Variants in SLC38A9 observed in about 807,000 individuals in gnomAD.
The protein encoded by SLC38A9 is neutral amino acid transporter 9.
Under a neutral mutation model 62.3 loss-of-function variants are expected in SLC38A9, and 48 were observed. The ratio of observed to expected loss-of-function variants is 0.77; its 90% confidence interval spans 0.61 to 0.98. The LOEUF is 0.98. SLC38A9 is among the 50% of genes least tolerant of loss of function. The pLI is 0.00. For missense variants in SLC38A9, 541 were observed against 679.8 expected, an observed-to-expected ratio of 0.80 and a Z score of 2.27; for synonymous variants, 204 against 227.7, an observed-to-expected ratio of 0.90 and a Z score of 0.94.
chr5:55,678,869 CA>C (rs1752615727), intron 3 of SLC38A9, among the ~76,000 whole-genome samples: 1 of 151,366 alleles, frequency 6.6e-6, no homozygotes, highest in South Asian at 2.1e-4. Flanking sequence ...CTATATTGCC[CA>C]GGTTGGTCTT....
At chr5:55,670,332 G>T (rs1371520767) in intron 4 of SLC38A9, among the ~76,000 whole-genome samples, 1 of 150,094 alleles carries the variant, frequency 6.7e-6, no homozygotes, top group Non-Finnish European at 1.5e-5. Context: ...ATTAAAAAAT[G>T]ACTTTTCAAA....
intron 3 of SLC38A9, among the ~76,000 whole-genome samples, chr5:55,688,124 C>G (rs922442158): frequency 7.9e-5 from 12 of 152,194 alleles, no homozygotes; most frequent in African/African-American, 2.9e-4. Flanking sequence ...TGAGACTTCA[C>G]TGAAGTTGCT....
chr5:55,694,944 G>C (rs1755278266), intron 3 of SLC38A9, among the ~76,000 whole-genome samples: 1 of 152,108 alleles, frequency 6.6e-6, no homozygotes, highest in Non-Finnish European at 1.5e-5. Flanking sequence ...GTAGAGACCA[G>C]GTTTTGCCAT....
chr5:55,702,344 C>T (rs554301040), intron 2 of SLC38A9, among the ~76,000 whole-genome samples: 7 of 151,806 alleles, frequency 4.6e-5, no homozygotes, highest in Non-Finnish European at 8.8e-5. Flanking sequence ...TCACTGCAGC[C>T]GCGACCTCTT....
intron 3 of SLC38A9, among the ~76,000 whole-genome samples, chr5:55,674,825 T>C (rs988414769): frequency 1.3e-5 from 2 of 152,186 alleles, no homozygotes; most frequent in African/African-American, 2.4e-5. Flanking sequence ...TAACTACCAA[T>C]TATCCCAAAG....
At chr5:55,651,245 C>CTTTTTT (rs1561337614) in intron 10 of SLC38A9, among the ~76,000 whole-genome samples, 7 of 56,160 alleles carry the variant, frequency 1.2e-4, no homozygotes, top group South Asian at 7.7e-4. Context: ...TTCCTTTTGC[C>CTTTTTT]ATCTTTTTTT....
In SLC38A9 at chr5:55,626,678, TG is replaced by T. The variant is rs767859105; in HGVS notation, c.1521-20del. On this transcript the variant is annotated intron_variant, in intron 15 of 15. Transcript: ENST00000396865. ...TGAATATCTGCAAAATAAAAGCTTT[TG>T]GGGTTAATATTCATCTTGCACTTTG... The T allele has an allele frequency of 6.3e-7, 1 of 1,579,638 alleles. No individual in the cohort carries two copies. Among genetic ancestry groups the T allele is most frequent in the Non-Finnish European group, 8.6e-7 (1 of 1,165,674 alleles).
intron 2 of SLC38A9, among the ~76,000 whole-genome samples, chr5:55,701,124 CAT>C (rs1378218946): frequency 2.0e-5 from 3 of 152,178 alleles, no homozygotes; most frequent in Non-Finnish European, 2.9e-5. Flanking sequence ...CATGTGGCCA[CAT>C]GTGTCTACCA....
In SLC38A9 at chr5:55,656,761, G is replaced by A. The variant is rs1003981236; in HGVS notation, c.711C>T (p.His237=). The A allele has an allele frequency of 1.1e-5, 18 of 1,565,826 alleles. No individual in the cohort carries two copies. The highest frequency in any genetic ancestry group is 1.5e-5 in the Non-Finnish European group (17 of 1,143,990). Residue 237 remains histidine, a synonymous_variant, in exon 9 of 16, where the codon CAC becomes CAT. Transcript: ENST00000396865. The part of the protein sequence containing the change: ...TGKFIFNFIH[H]INDTDTILST... ...TCAGTATAGTGTCTGTGTCATTAAT[G>A]TGATGAATAAAATCTAAAAATAAAG...
chr5:55,688,289 A>G (rs1345065270), intron 3 of SLC38A9, among the ~76,000 whole-genome samples: 2 of 151,688 alleles, frequency 1.3e-5, no homozygotes, highest in African/African-American at 4.8e-5. Context: ...AACTTCCAAT[A>G]CTATGTTGAA....
At chr5:55,658,235 C>A (rs1423367483) in intron 8 of SLC38A9, among the ~76,000 whole-genome samples, 1 of 152,082 alleles carries the variant, frequency 6.6e-6, no homozygotes, top group Non-Finnish European at 1.5e-5. Context: ...ATGACTGCAA[C>A]CTCCACCTCC....
chr5:55,666,405 T>C (rs563106838), intron 7 of SLC38A9, among the ~76,000 whole-genome samples: 2 of 152,362 alleles, frequency 1.3e-5, no homozygotes, highest in South Asian at 2.1e-4. Context: ...TTTTCCTCTA[T>C]GATCCCATGC....
chr5:55,681,659 A>G (rs1366713756), intron 3 of SLC38A9, among the ~76,000 whole-genome samples: 2 of 152,188 alleles, frequency 1.3e-5, no homozygotes, highest in Non-Finnish European at 2.9e-5. Flanking sequence ...ATTAAGGTGA[A>G]CGAGCCTGAC....
intron 2 of SLC38A9, among the ~76,000 whole-genome samples, chr5:55,706,132 C>T (rs1757263872): frequency 6.6e-6 from 1 of 152,158 alleles, no homozygotes; most frequent in Non-Finnish European, 1.5e-5. Flanking sequence ...AGGTAAATTT[C>T]TTTTGTTGCA....
At chr5:55,658,310 C>T (rs1378495633) in intron 8 of SLC38A9, among the ~76,000 whole-genome samples, 1 of 152,168 alleles carries the variant, frequency 6.6e-6, no homozygotes, top group South Asian at 2.1e-4. Flanking sequence ...CCTGCCACCA[C>T]ACCCACTGAA....
At chr5:55,680,240 T>A (rs1012516051) in intron 3 of SLC38A9, among the ~76,000 whole-genome samples, 10 of 129,442 alleles carry the variant, frequency 7.7e-5, no homozygotes, top group African/African-American at 2.3e-4. Context: ...GAGAGAGAGA[T>A]ACATTTTATT....
rs965742527 is a variant in SLC38A9, at chr5:55,652,556, A to C, written c.925T>G (p.Ser309Ala). 2.5e-6 allele frequency: 4 copies of C among 1,603,518 alleles called. No homozygotes were observed. In the Admixed American group the frequency reaches 5.2e-5, roughly 21 times the overall value. ...AGGATATTAAATTTTGAAAAAAATGAAGGAGACTTGAAATTGAGCAGTGGG... is the reference window on the plus strand; with the variant it reads ...AGGATATTAAATTTTGAAAAAAATGCAGGAGACTTGAAATTGAGCAGTGGG... ...LLPLLNFKSPSFFSKFNILGT... is the reference protein window; with the variant it reads ...LLPLLNFKSPAFFSKFNILGT... The change falls in exon 10 of 16, where the codon TCA (serine) becomes GCA (alanine). Residue 309 changes from serine to alanine, a missense_variant. Coordinates refer to ENST00000396865, the MANE Select transcript of SLC38A9 (RefSeq NM_173514.4).
chr5:55,652,535 T>C lies in SLC38A9; in HGVS notation c.946A>G (p.Ile316Val). 2.5e-6 allele frequency: 4 copies of C among 1,595,748 alleles called. No individual in the cohort carries two copies. Among genetic ancestry groups the C allele is most frequent in the Non-Finnish European group, 3.4e-6 (4 of 1,169,696 alleles). Residue 316 changes from isoleucine (I) to valine (V), a missense_variant, in exon 10 of 16, where the codon ATC becomes GTC. Ile to Val is a conservative substitution (Grantham distance 29, BLOSUM62 3). Transcript: ENST00000396865. ...ATTCAGTGCTACTACTTACCTAGGA[T>C]ATTAAATTTTGAAAAAAATGAAGGA... The part of the protein sequence containing the change: ...KSPSFFSKFN[I>V]LGTVSVLYLI...
intron 12 of SLC38A9, 68 bp downstream of exon 12, chr5:55,645,721 C>A: frequency 9.2e-7 from 1 of 1,082,250 alleles, no homozygotes; most frequent in Non-Finnish European, 1.4e-6. Context: ...TATAAAGTGC[C>A]TCAAATACTG....
Sources: allele counts gnomAD v4.1 joint callset (sites outside exome capture counted in the v4.1 genomes callset), GRCh38; gene constraint gnomAD v4.1.1; transcripts MANE v1.5; gene names NCBI Gene and HGNC (gene_info 2026-07-23, HGNC 2026-07-21).